ARHGAP6: variants seen among roughly 807,000 people sequenced by gnomAD.
The protein encoded by ARHGAP6 is Rho GTPase activating protein 6.
ARHGAP6 carries 16 observed loss-of-function variants against 55.7 expected under a neutral mutation model. The observed-to-expected ratio is 0.29, with a 90% confidence interval of 0.19 to 0.44. ARHGAP6 has a LOEUF of 0.44. ARHGAP6 is among the 20% of genes least tolerant of loss of function. The pLI, the probability that ARHGAP6 is intolerant of heterozygous loss-of-function variation, is 1.00. For missense variants in ARHGAP6, 698 were observed against 808.9 expected (o/e 0.86, Z 1.66); for synonymous variants, 382 against 360.9 (o/e 1.06, Z -0.66).
chrX:11,459,254 T>C (rs1215044059), intron 1 of ARHGAP6, among the ~76,000 whole-genome samples: 3 of 111,869 alleles, frequency 2.7e-5, no homozygotes, highest in Middle Eastern at 4.6e-3. Context: ...TCGATTCTCA[T>C]AGGAATTCTT....
At chrX:11,456,609 C>A (rs1271236435) in intron 1 of ARHGAP6, among the ~76,000 whole-genome samples, 2 of 111,291 alleles carry the variant, frequency 1.8e-5, no homozygotes, top group Non-Finnish European at 3.8e-5. Context: ...GGGGCAAGCC[C>A]ACTGATGCCT....
chrX:11,418,962 A>G (rs113706689), intron 1 of ARHGAP6, among the ~76,000 whole-genome samples: 4,828 of 112,403 alleles, frequency 0.043, 216 homozygotes, highest in African/African-American at 0.14. Context: ...CTCAACAAAA[A>G]TAGGAAATAA....
At chrX:11,484,058 G>C (rs1049118731) in intron 1 of ARHGAP6, among the ~76,000 whole-genome samples, 1 of 111,924 alleles carries the variant, frequency 8.9e-6, no homozygotes, top group African/African-American at 3.3e-5. Context: ...AAAGTGCCTG[G>C]TTCCACTTCT....
intron 1 of ARHGAP6, among the ~76,000 whole-genome samples, chrX:11,338,301 G>C (rs2048664933): frequency 9.0e-6 from 1 of 111,717 alleles, no homozygotes; most frequent in Admixed American, 9.5e-5. Flanking sequence ...TTCCTCCCTT[G>C]AGTATCAGTT....
At chrX:11,242,166 C>T (rs952174284) in intron 2 of ARHGAP6, among the ~76,000 whole-genome samples, 8 of 111,947 alleles carry the variant, frequency 7.1e-5, no homozygotes, top group African/African-American at 2.6e-4. Context: ...ACTTCTGGAT[C>T]CTCGAACCTC....
At chrX:11,563,296 T>C (rs186851338) in intron 1 of ARHGAP6, among the ~76,000 whole-genome samples, 13 of 109,963 alleles carry the variant, frequency 1.2e-4, no homozygotes, top group Admixed American at 9.7e-4. Context: ...GAGCCAAGAG[T>C]TGGAATATCC....
intron 1 of ARHGAP6, among the ~76,000 whole-genome samples, chrX:11,372,353 T>A (rs1201184106): frequency 8.9e-6 from 1 of 112,371 alleles, no homozygotes; most frequent in African/African-American, 3.2e-5. Context: ...ACTTCTTGAC[T>A]AATGAGTCAG....
chrX:11,553,818 G>C (rs951815008), intron 1 of ARHGAP6, among the ~76,000 whole-genome samples: 1 of 111,752 alleles, frequency 8.9e-6, no homozygotes, highest in Admixed American at 9.5e-5. Flanking sequence ...GTACCAAGCT[G>C]GTTTCAACTA....
chrX:11,538,502 A>C (rs1258450564), intron 1 of ARHGAP6, among the ~76,000 whole-genome samples: 1 of 111,949 alleles, frequency 8.9e-6, no homozygotes, highest in Non-Finnish European at 1.9e-5. Flanking sequence ...CTCACAGAGA[A>C]GACCCAGAAT....
Position 11,258,049 on chromosome X carries a change from C to A in ARHGAP6, c.589-3342G>T, listed in dbSNP as rs180866323. Among the ~76,000 whole-genome samples the A allele has an allele frequency of 9.0e-5, 10 of 111,417 alleles. No individual in the cohort carries two copies. The East Asian group carries it at 2.8e-3, about 31-fold the overall frequency. On this transcript the variant is annotated intron_variant, in intron 1 of 12. Coordinates refer to ENST00000337414, the MANE Select transcript of ARHGAP6 (RefSeq NM_013427.3). The stretch of plus-strand genomic sequence containing the variant: ...TCAGGGCCAGATTCTGTAGGGCTGT[C>A]TCTGTTGGCAATGCAAACCAGATTA...
chrX:11,451,611 A>G lies in ARHGAP6; in HGVS notation c.589-196904T>C, dbSNP rs970012735. ...GGAGACTCACAACCCCCACTCATCT[A>G]TACTTTCAGCTTTGCTTTTGCTGCT... On this transcript the variant is annotated intron_variant, in intron 1 of 12. Transcript: ENST00000337414. Among the ~76,000 whole-genome samples the G allele has an allele frequency of 3.6e-5, 4 of 111,876 alleles. No individual in the cohort carries two copies. In the Admixed American group the frequency reaches 3.8e-4, roughly 11 times the overall value.
chrX:11,559,434 G>A (rs1045657961), intron 1 of ARHGAP6, among the ~76,000 whole-genome samples: 1 of 111,089 alleles, frequency 9.0e-6, no homozygotes, highest in Non-Finnish European at 1.9e-5. Context: ...GGATAATATG[G>A]AGGGTTCCTC....
intron 1 of ARHGAP6, among the ~76,000 whole-genome samples, chrX:11,289,371 G>A (rs1012560430): frequency 9.0e-6 from 1 of 110,811 alleles, no homozygotes; most frequent in Non-Finnish European, 1.9e-5. Context: ...CAAACTTCTC[G>A]TATTTCCCCT....
At chrX:11,502,096 C>T (rs957737192) in intron 1 of ARHGAP6, among the ~76,000 whole-genome samples, 2 of 111,962 alleles carry the variant, frequency 1.8e-5, no homozygotes, top group Non-Finnish European at 3.8e-5. Context: ...ATAGCCAAAA[C>T]CTGGAAATAA....
chrX:11,318,579 CA>C (rs1180481968), intron 1 of ARHGAP6: 1 of 111,984 alleles, frequency 8.9e-6, no homozygotes, highest in Non-Finnish European at 1.9e-5. Context: ...CCATTGTAAA[CA>C]GTGCTGCATA....
chrX:11,661,471 C>T (rs141757162), intron 1 of ARHGAP6, among the ~76,000 whole-genome samples: 14 of 112,625 alleles, frequency 1.2e-4, no homozygotes, highest in African/African-American at 4.2e-4. Context: ...AAGCTTTGAA[C>T]GAGCACAAGT....
At position 11,178,530 on chromosome X, in the gene ARHGAP6, C is replaced by G. The variant is rs148405607; in HGVS notation, c.1481-282G>C. Among the ~76,000 whole-genome samples, 16 of 110,964 alleles carry G rather than the reference C, an allele frequency of 1.4e-4. No individual in the cohort carries two copies. The South Asian group carries it at 5.8e-3, about 40-fold the overall frequency. ...CAATTTCCCTTACTTTCTTCTCCCC[C>G]CTTCCCTGGCATTACTCATCACCTA... On this transcript the variant is annotated intron_variant, in intron 7 of 12. Transcript: ENST00000337414.
At chrX:11,364,912 C>T (rs1294021248) in intron 1 of ARHGAP6, among the ~76,000 whole-genome samples, 1 of 110,132 alleles carries the variant, frequency 9.1e-6, no homozygotes, top group Non-Finnish European at 1.9e-5. Context: ...CAACTTCAGC[C>T]AACAGGAAGC....
intron 9 of ARHGAP6, among the ~76,000 whole-genome samples, chrX:11,167,308 A>C (rs2147303807): frequency 9.0e-6 from 1 of 111,417 alleles, no homozygotes; most frequent in African/African-American, 3.3e-5. Flanking sequence ...AAGGGGAAAA[A>C]GCAGGGAAAG....
Sources: allele counts gnomAD v4.1 joint callset (sites outside exome capture counted in the v4.1 genomes callset), GRCh38; gene constraint gnomAD v4.1.1; transcripts MANE v1.5; gene names NCBI Gene and HGNC (gene_info 2026-07-23, HGNC 2026-07-21).